Variants in CSMD1 observed in about 807,000 individuals in gnomAD.
CSMD1 encodes the protein CUB and sushi domain-containing protein 1.
Under a neutral mutation model 417.5 loss-of-function variants are expected in CSMD1, and 213 were observed. The ratio of observed to expected loss-of-function variants is 0.51; its 90% confidence interval spans 0.46 to 0.57. CSMD1 has a LOEUF of 0.57. CSMD1 is among the 20% of genes least tolerant of loss of function. The pLI, the probability that CSMD1 is intolerant of heterozygous loss-of-function variation, is 0.00. For synonymous variants in CSMD1, 2,862 were observed against 1,736.8 expected, an observed-to-expected ratio of 1.65 and a Z score of -16.11; for missense variants, 6,923 against 4,529.7, an observed-to-expected ratio of 1.53 and a Z score of -15.17.
Position 3,365,736 on chromosome 8 carries a change from G to A in CSMD1, c.3115+1296C>T, listed in dbSNP as rs150710959. 7.9e-4 allele frequency among the ~76,000 whole-genome samples: 120 copies of A among 152,266 alleles called. 1 individual carries two copies. In the South Asian group the frequency reaches 8.1e-3, roughly 10 times the overall value. Reference sequence around the variant, plus strand: ...CTATTAGTAGTTAAGTTTTTGGGGCGTCAAGAGTTACCCTCAGGTTTTCCA... The same window carrying A: ...CTATTAGTAGTTAAGTTTTTGGGGCATCAAGAGTTACCCTCAGGTTTTCCA... On this transcript the variant is annotated intron_variant, in intron 20 of 69. Coordinates refer to ENST00000635120, the MANE Select transcript of CSMD1 (RefSeq NM_033225.6).
At chr8:3,555,829 G>T (rs1412192520) in intron 10 of CSMD1, among the ~76,000 whole-genome samples, 1 of 152,084 alleles carries the variant, frequency 6.6e-6, no homozygotes, top group Non-Finnish European at 1.5e-5. Flanking sequence ...AATCTTCGGT[G>T]CCAAAAGTTT....
At chr8:4,901,111 G>A (rs79406151) in intron 1 of CSMD1, among the ~76,000 whole-genome samples, 4,302 of 152,210 alleles carry the variant, frequency 0.028, 107 homozygotes, top group Non-Finnish European at 0.043. Context: ...GTATACCCTC[G>A]TCAGTATTAC....
chr8:3,581,913 T>A (rs1301628775), intron 9 of CSMD1, among the ~76,000 whole-genome samples: 4 of 152,162 alleles, frequency 2.6e-5, no homozygotes, highest in African/African-American at 9.7e-5. Flanking sequence ...CAAGTGATTC[T>A]CCTGCCTCAG....
At chr8:3,973,704 C>G (rs1007121734) in intron 5 of CSMD1, among the ~76,000 whole-genome samples, 2 of 152,182 alleles carry the variant, frequency 1.3e-5, no homozygotes, top group Non-Finnish European at 2.9e-5. Context: ...AATGCAAGAC[C>G]TTTATCACTT....
intron 5 of CSMD1, among the ~76,000 whole-genome samples, chr8:3,903,929 G>A (rs1414741219): frequency 1.3e-5 from 2 of 151,872 alleles, no homozygotes. Context: ...TACCTCTTTG[G>A]TTCACTATTT....
intron 1 of CSMD1, among the ~76,000 whole-genome samples, chr8:4,740,886 T>C (rs1810559513): frequency 6.6e-6 from 1 of 152,228 alleles, no homozygotes; most frequent in African/African-American, 2.4e-5. Flanking sequence ...CATGCTCCTT[T>C]TTTCCACAAC....
At chr8:4,380,749 G>A (rs75684516) in intron 3 of CSMD1, among the ~76,000 whole-genome samples, 98 of 152,196 alleles carry the variant, frequency 6.4e-4, no homozygotes, top group African/African-American at 2.3e-3. Flanking sequence ...CTGTCCTCAC[G>A]ACTTCTCTGT....
chr8:4,439,852 A>C (rs183919600), intron 2 of CSMD1, among the ~76,000 whole-genome samples: 102 of 152,322 alleles, frequency 6.7e-4, no homozygotes, highest in Non-Finnish European at 1.2e-3. Flanking sequence ...GGCAGCTTCG[A>C]AAGATAGGAT....
intron 3 of CSMD1, among the ~76,000 whole-genome samples, chr8:4,041,685 A>G (rs751910689): frequency 6.6e-6 from 1 of 152,170 alleles, no homozygotes; most frequent in Non-Finnish European, 1.5e-5. Context: ...ATAAAACAGA[A>G]TTTTCAATCA....
At chr8:3,260,052 C>T (rs1377153075) in intron 26 of CSMD1, among the ~76,000 whole-genome samples, 4 of 152,110 alleles carry the variant, frequency 2.6e-5, no homozygotes, top group Non-Finnish European at 5.9e-5. Context: ...CTCCCCGGTA[C>T]AGAACTATAA....
intron 1 of CSMD1, among the ~76,000 whole-genome samples, chr8:4,914,962 A>ATT (rs1481779024): frequency 6.6e-6 from 1 of 152,220 alleles, no homozygotes; most frequent in Non-Finnish European, 1.5e-5. Flanking sequence ...GATGAAACGC[A>ATT]TTCCGTTTCA....
chr8:4,557,235 G>A (rs148995133), intron 2 of CSMD1, among the ~76,000 whole-genome samples: 458 of 152,264 alleles, frequency 3.0e-3, no homozygotes, highest in African/African-American at 9.5e-3. Flanking sequence ...TACCCTCAGT[G>A]CTATTCCTAG....
chr8:4,945,969 G>A (rs1808341361), intron 1 of CSMD1, among the ~76,000 whole-genome samples: 1 of 152,140 alleles, frequency 6.6e-6, no homozygotes, highest in Admixed American at 6.5e-5. Flanking sequence ...GGACATATCA[G>A]AGGCTCCAGA....
At chr8:3,241,240 T>C (rs58749976) in intron 26 of CSMD1, among the ~76,000 whole-genome samples, 88,341 of 147,916 alleles carry the variant, frequency 0.6, 28,246 homozygotes, top group Non-Finnish European at 0.73. Context: ...CTTAAAAGAG[T>C]ATTGTCTAAG....
chr8:4,890,867 G>A (rs560407991), intron 1 of CSMD1, among the ~76,000 whole-genome samples: 1 of 152,264 alleles, frequency 6.6e-6, no homozygotes, highest in South Asian at 2.1e-4. Flanking sequence ...TGAGTGACAA[G>A]AAACATGATT....
chr8:4,144,139 A>C (rs1049502324), intron 3 of CSMD1, among the ~76,000 whole-genome samples: 1 of 151,030 alleles, frequency 6.6e-6, no homozygotes, highest in Non-Finnish European at 1.5e-5. Flanking sequence ...CCAGACCCAG[A>C]TGTTTCCCTT....
At chr8:3,428,382 A>T (rs1430962267) in intron 12 of CSMD1, among the ~76,000 whole-genome samples, 1 of 152,198 alleles carries the variant, frequency 6.6e-6, no homozygotes, top group African/African-American at 2.4e-5. Context: ...TTACAGTACA[A>T]ATCTTGACAG....
intron 3 of CSMD1, among the ~76,000 whole-genome samples, chr8:4,072,707 G>C (rs928935806): frequency 6.6e-6 from 1 of 152,082 alleles, no homozygotes; most frequent in African/African-American, 2.4e-5. Flanking sequence ...CTGTGAATTG[G>C]GAATACAGAA....
rs1584995918 is a variant in CSMD1, at chr8:4,192,923, A to G, written c.416-160824T>C. 3.9e-5 allele frequency among the ~76,000 whole-genome samples: 6 copies of G among 152,316 alleles called. No homozygotes were observed. In the South Asian group the frequency reaches 1.2e-3, roughly 32 times the overall value. ...CTTTAAGGACATACTCACTTTACCT[A>G]AGAGTATTTTCTGTACGTGGTGCTA... On this transcript the variant is annotated intron_variant, in intron 3 of 69. Coordinates refer to ENST00000635120, the MANE Select transcript of CSMD1 (RefSeq NM_033225.6).
Sources: gnomAD v4.1 joint callset for allele counts (sites outside exome capture counted in the v4.1 genomes callset) on GRCh38, gnomAD v4.1.1 for gene constraint, MANE v1.5 for transcripts, NCBI Gene and HGNC (gene_info 2026-07-23, HGNC 2026-07-21) for gene names.